CADPS2: variants seen among roughly 807,000 people sequenced by gnomAD.
The protein encoded by CADPS2 is calcium dependent secretion activator 2.
A neutral mutation model predicts 172.5 loss-of-function variants in CADPS2; 93 were observed. The ratio of observed to expected loss-of-function variants is 0.54; its 90% CI spans 0.46 to 0.64. CADPS2 has a LOEUF of 0.64. Among genes scored for constraint, CADPS2 ranks in the 30% least tolerant of loss-of-function variants. The pLI is 0.00. For missense variants in CADPS2, 1,420 were observed against 1,565.9 expected (o/e 0.91, Z 1.57); for synonymous variants, 546 against 555.2 (o/e 0.98, Z 0.23).
At chr7:122,444,272 A>G (rs1362362304) in intron 15 of CADPS2, among the ~76,000 whole-genome samples, 1 of 152,312 alleles carries the variant, frequency 6.6e-6, no homozygotes, top group East Asian at 1.9e-4. Flanking sequence ...GGTATGAGCA[A>G]TCATATAAAA....
intron 6 of CADPS2, among the ~76,000 whole-genome samples, chr7:122,594,119 AC>A (rs1416596316): frequency 1.3e-5 from 2 of 152,032 alleles, no homozygotes; most frequent in Non-Finnish European, 2.9e-5. Flanking sequence ...TGGAAAGATA[AC>A]ACAAAGTTAT....
intron 1 of CADPS2, among the ~76,000 whole-genome samples, chr7:122,865,616 G>A (rs921847380): frequency 5.9e-5 from 9 of 152,146 alleles, no homozygotes; most frequent in Non-Finnish European, 1.3e-4. Context: ...TGATCTTATG[G>A]GACCTGGTCC....
intron 14 of CADPS2, among the ~76,000 whole-genome samples, chr7:122,469,146 C>G (rs2055560789): frequency 6.6e-6 from 1 of 152,164 alleles, no homozygotes; most frequent in African/African-American, 2.4e-5. Flanking sequence ...CCAGTAGAGT[C>G]AAATCAGGCT....
At chr7:122,768,190 T>C (rs893103244) in intron 1 of CADPS2, among the ~76,000 whole-genome samples, 1 of 152,176 alleles carries the variant, frequency 6.6e-6, no homozygotes, top group Non-Finnish European at 1.5e-5. Context: ...ATCCAACATA[T>C]ATTAGCCATA....
intron 1 of CADPS2, among the ~76,000 whole-genome samples, chr7:122,815,673 G>C (rs1053639412): frequency 2.0e-5 from 3 of 151,986 alleles, no homozygotes; most frequent in Admixed American, 6.6e-5. Context: ...AAAGCTGATA[G>C]AGCATAAATC....
chr7:122,788,850 C>A, intron 1 of CADPS2, among the ~76,000 whole-genome samples: 1 of 152,142 alleles, frequency 6.6e-6, no homozygotes, highest in South Asian at 2.1e-4. Context: ...TGAACTTGTC[C>A]TCCTCAGGGC....
intron 1 of CADPS2, among the ~76,000 whole-genome samples, chr7:122,815,616 T>C (rs971126449): frequency 4.2e-5 from 6 of 143,814 alleles, no homozygotes; most frequent in Non-Finnish European, 7.6e-5. Flanking sequence ...AATAATGAAA[T>C]ACAAAAAAAA....
chr7:122,638,354 T>A (rs73719726), intron 3 of CADPS2, among the ~76,000 whole-genome samples: 5,468 of 152,190 alleles, frequency 0.036, 315 homozygotes, highest in African/African-American at 0.13. Context: ...CTGCCCAAGT[T>A]AGGAGCAGGG....
chr7:122,658,818 G>A (rs2135246883), intron 3 of CADPS2, among the ~76,000 whole-genome samples: 1 of 152,132 alleles, frequency 6.6e-6, no homozygotes, highest in Middle Eastern at 3.4e-3. Context: ...CACCAACATG[G>A]CACATGTATA....
At chr7:122,792,471 T>C (rs1795491656) in intron 1 of CADPS2, among the ~76,000 whole-genome samples, 1 of 152,150 alleles carries the variant, frequency 6.6e-6, no homozygotes, top group Admixed American at 6.6e-5. Context: ...TACCTTGACC[T>C]TGGACCTTCC....
At chr7:122,750,065 T>C (rs1486609173) in intron 1 of CADPS2, among the ~76,000 whole-genome samples, 1 of 151,502 alleles carries the variant, frequency 6.6e-6, no homozygotes, top group Admixed American at 6.6e-5. Context: ...ATTCAAGTAA[T>C]TATCAAAGAA....
At chr7:122,467,990 C>T (rs1563418949) in intron 14 of CADPS2, among the ~76,000 whole-genome samples, 1 of 152,040 alleles carries the variant, frequency 6.6e-6, no homozygotes, top group African/African-American at 2.4e-5. Flanking sequence ...GTCTTAGTAC[C>T]AGCCAGACCT....
chr7:122,389,457 A>T (rs914494843), intron 22 of CADPS2, among the ~76,000 whole-genome samples: 1 of 151,940 alleles, frequency 6.6e-6, no homozygotes, highest in African/African-American at 2.4e-5. Flanking sequence ...TTATGGTAAA[A>T]TTACTCTACA....
At chr7:122,570,017 C>G (rs374888620) in intron 7 of CADPS2, among the ~76,000 whole-genome samples, 1 of 149,858 alleles carries the variant, frequency 6.7e-6, no homozygotes, top group Non-Finnish European at 1.5e-5. Flanking sequence ...GCAACAAAAG[C>G]CAAAATTGAC....
intron 1 of CADPS2, among the ~76,000 whole-genome samples, chr7:122,817,169 G>T (rs1050063185): frequency 6.6e-6 from 1 of 152,144 alleles, no homozygotes; most frequent in African/African-American, 2.4e-5. Context: ...TCAAACGGAC[G>T]CACATGAAAT....
intron 2 of CADPS2, among the ~76,000 whole-genome samples, chr7:122,684,499 T>C (rs2083421031): frequency 6.6e-6 from 1 of 152,202 alleles, no homozygotes; most frequent in African/African-American, 2.4e-5. Context: ...TTTTATTCTA[T>C]TTGTTCTTTC....
At position 122,503,425 on chromosome 7, in the gene CADPS2, T is replaced by G. The variant is rs989611767; in HGVS notation, c.1542+9824A>C. The stretch of plus-strand genomic sequence containing the variant: ...TTACTGAATGATTTAGTGGTTTTTA[T>G]CTTAGAAACTAGTATCTACTGCAAC... On this transcript the variant is annotated intron_variant, in intron 9 of 29. Coordinates refer to ENST00000449022, the MANE Select transcript of CADPS2 (RefSeq NM_017954.11). Among the ~76,000 whole-genome samples the G allele has an allele frequency of 2.6e-5, 4 of 152,298 alleles. No homozygotes were observed. The East Asian group carries it at 7.7e-4, about 29-fold the overall frequency.
chr7:122,714,403 C>T, intron 2 of CADPS2, among the ~76,000 whole-genome samples: 1 of 151,968 alleles, frequency 6.6e-6, no homozygotes, highest in Non-Finnish European at 1.5e-5. Flanking sequence ...GCTTGATTTC[C>T]TATGTCTCAT....
intron 1 of CADPS2, among the ~76,000 whole-genome samples, chr7:122,860,909 T>G (rs1816787464): frequency 6.6e-6 from 1 of 152,168 alleles, no homozygotes; most frequent in African/African-American, 2.4e-5. Flanking sequence ...AATGACAGAA[T>G]TTCATTCTTT....
Sources: gnomAD v4.1 joint callset for allele counts (sites outside exome capture counted in the v4.1 genomes callset) on GRCh38, gnomAD v4.1.1 for gene constraint, MANE v1.5 for transcripts, NCBI Gene and HGNC (gene_info 2026-07-23, HGNC 2026-07-21) for gene names.